HAT1: variants seen among roughly 807,000 people sequenced by gnomAD.
The protein encoded by HAT1 is histone acetyltransferase type B catalytic subunit.
Under a neutral mutation model 56.6 loss-of-function variants are expected in HAT1, and 20 were observed. The ratio of observed to expected loss-of-function variants is 0.35; its 90% CI spans 0.25 to 0.51. The LOEUF is 0.51. Ranked by LOEUF, HAT1 falls within the 20% of genes least tolerant of loss-of-function variation. HAT1 has a pLI of 0.95. For synonymous variants in HAT1, 146 were observed against 165.5 expected (o/e 0.88, Z 0.91); for missense variants, 408 against 504.3 (o/e 0.81, Z 1.83).
chr2:171,930,310 T>G (rs1308948727), intron 2 of HAT1, among the ~76,000 whole-genome samples: 1 of 152,128 alleles, frequency 6.6e-6, no homozygotes, highest in Non-Finnish European at 1.5e-5. Context: ...TAGCTGGGAC[T>G]CCGCATACAC....
chr2:171,931,671 C>T (rs1053425551), intron 2 of HAT1, among the ~76,000 whole-genome samples: 1 of 152,014 alleles, frequency 6.6e-6, no homozygotes, highest in Non-Finnish European at 1.5e-5. Context: ...AAGACTGTGT[C>T]TCGGGGGGGA....
At chr2:171,922,638 C>T (rs751795556) in intron 1 of HAT1, 131 bp downstream of exon 1, 2 of 741,792 alleles carry the variant, frequency 2.7e-6, no homozygotes, top group Non-Finnish European at 3.8e-6. Context: ...CTGCTTGGGA[C>T]CGGAAGCGCG....
chr2:171,939,256 G>C (rs1268161011), intron 2 of HAT1, among the ~76,000 whole-genome samples: 9 of 152,178 alleles, frequency 5.9e-5, no homozygotes, highest in Admixed American at 5.9e-4. Context: ...AGGACCCTGT[G>C]AGCCAGGGCC....
In HAT1 at chr2:171,983,645, G is replaced by A. The variant is rs1014712958; in HGVS notation, c.*293G>A. The A allele has an allele frequency of 4.6e-6, 1 of 218,128 alleles. No homozygotes were observed. Among genetic ancestry groups the A allele is most frequent in the African/African-American group, 2.3e-5 (1 of 43,980 alleles). 13.5% of individuals were successfully genotyped at this position (218,128 alleles called of 1,614,324 possible). On this transcript the variant is annotated 3_prime_UTR_variant, in exon 11 of 11. Coordinates refer to ENST00000264108, the MANE Select transcript of HAT1 (RefSeq NM_003642.4). ...GTGATATGTTAATGTGTGATGATAT[G>A]ATTCTTAAATACTTACAATAAACCT...
chr2:171,940,151 C>T (rs1357990407), intron 2 of HAT1, among the ~76,000 whole-genome samples: 2 of 152,214 alleles, frequency 1.3e-5, no homozygotes, highest in African/African-American at 4.8e-5. Flanking sequence ...TATACCAACA[C>T]AAAATGACCA....
At chr2:171,938,930 G>A (rs1315419969) in intron 2 of HAT1, among the ~76,000 whole-genome samples, 2 of 151,964 alleles carry the variant, frequency 1.3e-5, no homozygotes, top group Non-Finnish European at 2.9e-5. Flanking sequence ...TAGTAGAGAC[G>A]GGGTTTCGCC....
At chr2:171,979,717 G>C (rs1443733523) in intron 10 of HAT1, 1 of 162,192 alleles carries the variant, frequency 6.2e-6, no homozygotes, top group Non-Finnish European at 1.3e-5. Context: ...TGAAGCAGGA[G>C]AATCGCTTGA....
At chr2:171,961,016 C>T (rs1376545274) in intron 4 of HAT1, among the ~76,000 whole-genome samples, 3 of 152,072 alleles carry the variant, frequency 2.0e-5, no homozygotes, top group Admixed American at 2.0e-4. Context: ...GTGGTGCGTG[C>T]TTGTGGTCCT....
intron 9 of HAT1, among the ~76,000 whole-genome samples, chr2:171,977,557 A>ATATATATATATATATT (rs1271452199): frequency 6.1e-5 from 1 of 16,362 alleles, no homozygotes; most frequent in Non-Finnish European, 1.1e-4. Flanking sequence ...ATATATATAT[A>ATATATATATATATATT]TTTTTTTTTT....
chr2:171,967,712 TTTTATTGAAAA>T (rs1232431454), intron 8 of HAT1, among the ~76,000 whole-genome samples: 1 of 152,160 alleles, frequency 6.6e-6, no homozygotes, highest in Non-Finnish European at 1.5e-5. Context: ...TACCTTTTTC[TTTTATTGAAAA>T]ATACTTTACC....
rs776526928 is a variant in HAT1, at chr2:171,966,929, C to T, written c.803C>T (p.Pro268Leu). ...ETVHRYYTEF[P>L]TVLDITAEDP... ...GTTCATAGATACTACACTGAATTTC[C>T]TACAGTTCTTGATATTACAGGTATG... Residue 268 changes from proline (P) to leucine (L), a missense_variant, in exon 8 of 11, where the codon CCT becomes CTT. Physicochemically the swap from Pro to Leu is moderately conservative, Grantham distance 98. Transcript: ENST00000264108. 6.6e-7 allele frequency: 1 copy of T among 1,521,754 alleles called. No individual in the cohort carries two copies. The highest frequency in any genetic ancestry group is 9.1e-7 in the Non-Finnish European group (1 of 1,098,002). The allele number at this position is 1,521,754 out of a possible 1,614,324, so 94.3% of individuals were successfully genotyped here.
intron 9 of HAT1, among the ~76,000 whole-genome samples, 157 bp downstream of exon 9, chr2:171,976,465 A>C (rs1370502573): frequency 1.3e-5 from 2 of 152,210 alleles, no homozygotes; most frequent in African/African-American, 4.8e-5. Context: ...CTGAGTTCAA[A>C]TCTAGCTCCA....
intron 3 of HAT1, among the ~76,000 whole-genome samples, chr2:171,949,830 A>G (rs1300973210): frequency 1.3e-5 from 2 of 152,100 alleles, no homozygotes; most frequent in Non-Finnish European, 2.9e-5. Context: ...TCAGTGGGCT[A>G]TGTACAATCT....
At chr2:171,955,103 A>T (rs776637682) in intron 4 of HAT1, among the ~76,000 whole-genome samples, 1 of 152,186 alleles carries the variant, frequency 6.6e-6, no homozygotes, top group African/African-American at 2.4e-5. Context: ...GAGAATAAAT[A>T]TTGTTTTAAG....
chr2:171,965,827 G>A lies in HAT1; in HGVS notation c.530G>A (p.Arg177Lys). The part of the protein sequence containing the change: ...TCRGFREYHE[R>K]LQTFLMWFIE... ...AGAGGCTTTCGAGAATATCATGAAA[G>A]GCTTCAGACCTTTTTGATGTGGTTT... Residue 177 changes from arginine (R) to lysine (K), a missense_variant, in exon 6 of 11, where the codon AGG becomes AAG. Arg to Lys is a conservative substitution (Grantham distance 26, BLOSUM62 2). Transcript: ENST00000264108. The A allele has an allele frequency of 1.2e-6, 2 of 1,612,988 alleles. No homozygotes were observed. Among genetic ancestry groups the A allele is most frequent in the Non-Finnish European group, 1.7e-6 (2 of 1,179,088 alleles).
intron 10 of HAT1, 50 bp downstream of exon 10, chr2:171,979,413 CAG>C (rs1381071855): frequency 2.2e-6 from 2 of 911,446 alleles, no homozygotes; most frequent in Non-Finnish European, 3.7e-6. Flanking sequence ...CTGTTTAAAA[CAG>C]AAGAAAAGCT....
chr2:171,958,331 C>T (rs569115234), intron 4 of HAT1, among the ~76,000 whole-genome samples: 2 of 151,246 alleles, frequency 1.3e-5, no homozygotes, highest in Non-Finnish European at 2.9e-5. Flanking sequence ...CTCTCTCTCC[C>T]GTTATTTTTT....
At chr2:171,978,964 G>A (rs1688059582) in intron 9 of HAT1, among the ~76,000 whole-genome samples, 1 of 150,972 alleles carries the variant, frequency 6.6e-6, no homozygotes, top group Non-Finnish European at 1.5e-5. Context: ...TGGTGCATAT[G>A]CCTATGGTCC....
intron 8 of HAT1, among the ~76,000 whole-genome samples, chr2:171,973,420 C>T (rs918270339): frequency 6.5e-5 from 8 of 123,834 alleles, no homozygotes; most frequent in African/African-American, 2.5e-4. Context: ...AAAAAAAAGT[C>T]TCTTGGGTCT....
Sources: gnomAD v4.1 joint callset for allele counts (sites outside exome capture counted in the v4.1 genomes callset) on GRCh38, gnomAD v4.1.1 for gene constraint, MANE v1.5 for transcripts, NCBI Gene and HGNC (gene_info 2026-07-23, HGNC 2026-07-21) for gene names.